Variants in SCPPPQ1 observed in about 807,000 individuals in gnomAD.
SCPPPQ1 encodes secretory calcium-binding phosphoprotein proline-glutamine rich 1.
chr4:87,465,559 C>CAAAAAAAAAAAAAAAAAAAA, the SCPPPQ1 span, among the ~76,000 whole-genome samples: 3 of 98,310 alleles, frequency 3.1e-5, no homozygotes, highest in African/African-American at 4.4e-5. Flanking sequence ...TAGAAATCTA[C>CAAAAAAAAAAAAAAAAAAAA]AAAAAAAAAA....
At chr4:87,465,559 C>CAAAAAAAAAAA in the SCPPPQ1 span, among the ~76,000 whole-genome samples, 12 of 98,312 alleles carry the variant, frequency 1.2e-4, no homozygotes, top group East Asian at 2.6e-4. Flanking sequence ...TAGAAATCTA[C>CAAAAAAAAAAA]AAAAAAAAAA....
chr4:87,464,276 T>A, the SCPPPQ1 span, among the ~76,000 whole-genome samples: 10 of 152,290 alleles, frequency 6.6e-5, no homozygotes, highest in East Asian at 1.9e-3. Flanking sequence ...CTTATATATT[T>A]TATATTAGCT....
At chr4:87,470,314 T>C in the SCPPPQ1 span, among the ~76,000 whole-genome samples, 5 of 152,148 alleles carry the variant, frequency 3.3e-5, no homozygotes, top group Non-Finnish European at 5.9e-5. Context: ...TTATTATTAG[T>C]AATTGATCAC....
chr4:87,463,771 A>G, the SCPPPQ1 span, among the ~76,000 whole-genome samples: 2 of 152,214 alleles, frequency 1.3e-5, no homozygotes, highest in Non-Finnish European at 2.9e-5. Flanking sequence ...TTCATAAATG[A>G]TTCAGATTCC....
the SCPPPQ1 span, among the ~76,000 whole-genome samples, chr4:87,469,238 A>G: frequency 1.3e-5 from 2 of 152,180 alleles, no homozygotes; most frequent in Admixed American, 6.5e-5. Flanking sequence ...TATTTGTTCT[A>G]TATCACTGAG....
chr4:87,461,392 G>A, the SCPPPQ1 span, among the ~76,000 whole-genome samples: 1 of 152,198 alleles, frequency 6.6e-6, no homozygotes, highest in East Asian at 1.9e-4. Flanking sequence ...GGAAGATTAT[G>A]TGTAACATAA....
chr4:87,463,911 G>A, the SCPPPQ1 span, among the ~76,000 whole-genome samples: 1 of 152,166 alleles, frequency 6.6e-6, no homozygotes, highest in South Asian at 2.1e-4. Flanking sequence ...TTAAGATTCT[G>A]GCAGCTTGCT....
the SCPPPQ1 span, chr4:87,461,013 T>G: frequency 1.3e-5 from 2 of 152,630 alleles, no homozygotes; most frequent in Non-Finnish European, 2.9e-5. Context: ...AAATGTTAGT[T>G]TCAGATATTC....
the SCPPPQ1 span, among the ~76,000 whole-genome samples, chr4:87,463,466 G>C: frequency 1.4e-3 from 208 of 152,196 alleles, 1 homozygote; most frequent in Admixed American, 3.7e-3. Flanking sequence ...AAAAATTGAT[G>C]ATCAGTGCTG....
chr4:87,461,402 A>G, the SCPPPQ1 span, among the ~76,000 whole-genome samples: 110 of 152,350 alleles, frequency 7.2e-4, no homozygotes, highest in Middle Eastern at 3.4e-3. Flanking sequence ...GTGTAACATA[A>G]GTAGTACTCA....
At chr4:87,465,559 CAAAAAAA>C in the SCPPPQ1 span, among the ~76,000 whole-genome samples, 11,632 of 96,740 alleles carry the variant, frequency 0.12, 221 homozygotes, top group East Asian at 0.15. Context: ...TAGAAATCTA[CAAAAAAA>C]AAAAAAAAAA....
chr4:87,466,535 G>A, the SCPPPQ1 span, among the ~76,000 whole-genome samples: 3 of 152,196 alleles, frequency 2.0e-5, no homozygotes, highest in East Asian at 5.8e-4. Flanking sequence ...AAACATTAAA[G>A]GAGAAGAAAT....
At chr4:87,469,903 A>G in the SCPPPQ1 span, among the ~76,000 whole-genome samples, 8 of 149,600 alleles carry the variant, frequency 5.3e-5, no homozygotes, top group Non-Finnish European at 7.4e-5. Flanking sequence ...TACACTGTAC[A>G]TGTTTGGTCC....
chr4:87,470,168 T>C, the SCPPPQ1 span, among the ~76,000 whole-genome samples: 2 of 146,216 alleles, frequency 1.4e-5, no homozygotes, highest in South Asian at 2.1e-4. Flanking sequence ...GTTGCCCCCC[T>C]GTTGCAAGGA....
chr4:87,468,271 CTTAAGA>C, the SCPPPQ1 span, among the ~76,000 whole-genome samples: 1 of 152,308 alleles, frequency 6.6e-6, no homozygotes, highest in African/African-American at 2.4e-5. Flanking sequence ...ATTTACATTT[CTTAAGA>C]TTAATTCCAT....
At chr4:87,463,764 A>G in the SCPPPQ1 span, among the ~76,000 whole-genome samples, 2 of 152,214 alleles carry the variant, frequency 1.3e-5, no homozygotes, top group African/African-American at 2.4e-5. Context: ...CCCATCTTTC[A>G]TAAATGATTC....
chr4:87,464,271 A>G, the SCPPPQ1 span, among the ~76,000 whole-genome samples: 1 of 152,154 alleles, frequency 6.6e-6, no homozygotes, highest in Non-Finnish European at 1.5e-5. Context: ...TGTATCTTAT[A>G]TATTTTATAT....
chr4:87,462,651 GT>G, the SCPPPQ1 span, among the ~76,000 whole-genome samples: 1 of 152,102 alleles, frequency 6.6e-6, no homozygotes, highest in African/African-American at 2.4e-5. Context: ...AGGTGTGGCA[GT>G]TTTACAGTAG....
the SCPPPQ1 span, among the ~76,000 whole-genome samples, chr4:87,461,360 A>T: frequency 6.6e-6 from 1 of 152,230 alleles, no homozygotes; most frequent in African/African-American, 2.4e-5. Flanking sequence ...CTTTTATGAT[A>T]CATTATTTAA....
Sources: gnomAD v4.1 joint callset for allele counts (sites outside exome capture counted in the v4.1 genomes callset) on GRCh38, gnomAD v4.1.1 for gene constraint, MANE v1.5 for transcripts, NCBI Gene and HGNC (gene_info 2026-07-23, HGNC 2026-07-21) for gene names.